The following FADD variants were observed in gnomAD, a reference collection of about 807,000 sequenced individuals.
FADD encodes Fas associated via death domain, also known as FAS-associated death domain protein.
FADD carries 3 observed loss-of-function variants against 5.8 expected under a neutral mutation model. The observed-to-expected ratio is 0.52, with a 90% CI of 0.24 to 1.34. The LOEUF (loss-of-function observed/expected upper bound fraction) is 1.34. Among genes scored for constraint, FADD ranks in the 40% most tolerant of loss-of-function variants. The pLI is 0.17. For missense variants in FADD, 249 were observed against 286.7 expected, an observed-to-expected ratio of 0.87 and a Z score of 0.95; for synonymous variants, 138 against 130.8, an observed-to-expected ratio of 1.06 and a Z score of -0.38.
Position 70,204,129 on chromosome 11 carries a change from A to G in FADD, c.286+384A>G, listed in dbSNP as rs576251929. Among the ~76,000 whole-genome samples the G allele has an allele frequency of 1.1e-4, 16 of 152,330 alleles. No homozygotes were observed. The South Asian group carries it at 3.3e-3, about 32-fold the overall frequency. On this transcript the variant is annotated intron_variant, in intron 1 of 1. Coordinates refer to ENST00000301838, the MANE Select transcript of FADD (RefSeq NM_003824.4). ...TCTGAGAGTAATACTAGCATTCAGT[A>G]ACTCCTACCCAGGGGCTTACAGTGT...
At chr11:70,206,098 A>G in intron 1 of FADD, 35 bp from the exon 2 acceptor site, 1 of 1,587,488 alleles carries the variant, frequency 6.3e-7, no homozygotes, top group Non-Finnish European at 8.6e-7. Flanking sequence ...TTGTCTCCAA[A>G]CCTATGGTAA....
Position 70,203,716 on chromosome 11 carries a change from C to A in FADD, c.257C>A (p.Ala86Glu). The change falls in exon 1 of 2, where the codon GCG becomes GAG. Residue 86 changes from alanine (A) to glutamate (E), a missense_variant. Ala to Glu is a moderately radical substitution (Grantham distance 107). Transcript: ENST00000301838. ...CGCGTCGACGACTTCGAGGCGGGGGCGGCGGCCGGGGCCGCGCCTGGGGAA... is the reference window on the plus strand; with the variant it reads ...CGCGTCGACGACTTCGAGGCGGGGGAGGCGGCCGGGGCCGCGCCTGGGGAA... ...LRRVDDFEAGAAAGAAPGEED... is the reference protein window; with the variant it reads ...LRRVDDFEAGEAAGAAPGEED... 1 of 1,421,292 alleles carries A rather than the reference C, an allele frequency of 7.0e-7. No homozygotes were observed. The highest frequency in any genetic ancestry group is 9.1e-7 in the Non-Finnish European group (1 of 1,093,972). The allele number at this position is 1,421,292 out of a possible 1,614,324, so 88.0% of individuals were successfully genotyped here.
Position 70,206,406 on chromosome 11 carries a change from A to C in FADD, c.560A>C (p.Gln187Pro). ...VQEVQQARDL[Q>P]NRSGAMSPMS... ...GAGGTTCAGCAGGCCCGTGACCTCC[A>C]GAACAGGAGTGGGGCCATGTCCCCG... Residue 187 changes from glutamine to proline, a missense_variant, in exon 2 of 2, where the codon CAG (glutamine) becomes CCG (proline). Gln to Pro is a moderately conservative substitution (Grantham distance 76). Coordinates refer to ENST00000301838, the MANE Select transcript of FADD (RefSeq NM_003824.4). The C allele has an allele frequency of 6.2e-7, 1 of 1,614,152 alleles. No individual in the cohort carries two copies. Among genetic ancestry groups the C allele is most frequent in the Non-Finnish European group, 8.5e-7 (1 of 1,180,032 alleles).
At chr11:70,205,185 T>C (rs1245208844) in intron 1 of FADD, among the ~76,000 whole-genome samples, 3 of 152,170 alleles carry the variant, frequency 2.0e-5, no homozygotes, top group Non-Finnish European at 4.4e-5. Flanking sequence ...GAATTGCCAG[T>C]AGTCCAAGCA....
Position 70,203,327 on chromosome 11 carries a change from A to C in FADD, c.-133A>C, listed in dbSNP as rs1429024402. The C allele has an allele frequency of 4.8e-6, 7 of 1,468,066 alleles. No homozygotes were observed. The highest frequency in any genetic ancestry group is 5.4e-6 in the Non-Finnish European group (6 of 1,106,906). The allele number at this position is 1,468,066 out of a possible 1,614,324, so 90.9% of individuals were successfully genotyped here. On this transcript the variant is annotated 5_prime_UTR_variant, in exon 1 of 2. Transcript: ENST00000301838. ...GTCGATTTCCTGTAGTGAATCAGGC[A>C]CCGGAGTGCAGGTTCGGGGGTGGAA...
chr11:70,203,511 A>G lies in FADD; in HGVS notation c.52A>G (p.Ser18Gly), dbSNP rs1408886315. The change falls in exon 1 of 2, where the codon AGC becomes GGC. Residue 18 changes from serine to glycine, a missense_variant. Ser to Gly is a moderately conservative substitution (Grantham distance 56). Coordinates refer to ENST00000301838, the MANE Select transcript of FADD (RefSeq NM_003824.4). ...CTCGGTGTCGTCCAGCCTGTCGAGCAGCGAGCTGACCGAGCTCAAGTTCCT... is the reference window on the plus strand; with the variant it reads ...CTCGGTGTCGTCCAGCCTGTCGAGCGGCGAGCTGACCGAGCTCAAGTTCCT... ...LHSVSSSLSS[S>G]ELTELKFLCL... The G allele has an allele frequency of 1.9e-6, 3 of 1,608,900 alleles. No homozygotes were observed. Among genetic ancestry groups the G allele is most frequent in the Non-Finnish European group, 2.5e-6 (3 of 1,178,152 alleles).
rs754285082 is a variant in FADD, at chr11:70,203,324, G to A, written c.-136G>A. ...CTTGTCGATTTCCTGTAGTGAATCA[G>A]GCACCGGAGTGCAGGTTCGGGGGTG... On this transcript the variant is annotated 5_prime_UTR_variant, in exon 1 of 2. Coordinates refer to ENST00000301838, the MANE Select transcript of FADD (RefSeq NM_003824.4). 18 of 1,456,432 alleles carry A rather than the reference G, an allele frequency of 1.2e-5. No homozygotes were observed. The highest frequency in any genetic ancestry group is 2.9e-5 in the African/African-American group (2 of 69,194). 90.2% of individuals were successfully genotyped at this position (1,456,432 alleles called of 1,614,324 possible). A position where few individuals can be genotyped will look rare whatever the true frequency, so the allele number is the denominator to read the frequency against.
In FADD at chr11:70,206,677, A is replaced by G. The variant is rs2049464167; in HGVS notation, c.*204A>G. 8.4e-6 allele frequency: 5 copies of G among 593,164 alleles called. No homozygotes were observed. Among genetic ancestry groups the G allele is most frequent in the African/African-American group, 3.7e-5 (2 of 53,848 alleles). The allele number at this position is 593,164 out of a possible 1,614,324, so 36.7% of individuals were successfully genotyped here. On this transcript the variant is annotated 3_prime_UTR_variant, in exon 2 of 2. Transcript: ENST00000301838. ...GCTTGGGCCCTGCACAGATATTTCCATTTCTTCCTCACTATGACACTGAGC... is the reference window on the plus strand; with the variant it reads ...GCTTGGGCCCTGCACAGATATTTCCGTTTCTTCCTCACTATGACACTGAGC...
In FADD at chr11:70,206,167, T is replaced by A; in HGVS notation, c.321T>A (p.Asn107Lys). Residue 107 changes from asparagine (N) to lysine (K), a missense_variant, in exon 2 of 2, where the codon AAT (asparagine) becomes AAA (lysine). Coordinates refer to ENST00000301838, the MANE Select transcript of FADD (RefSeq NM_003824.4). The stretch of plus-strand genomic sequence containing the variant: ...CAGCATTTAACGTCATATGTGATAA[T>A]GTGGGGAAAGATTGGAGAAGGCTGG... ...LCAAFNVICDNVGKDWRRLAR... is the reference protein window; with the variant it reads ...LCAAFNVICDKVGKDWRRLAR... 6.2e-7 allele frequency: 1 copy of A among 1,614,060 alleles called. No homozygotes were observed. Among genetic ancestry groups the A allele is most frequent in the Non-Finnish European group, 8.5e-7 (1 of 1,180,004 alleles).
rs1184018545 is a variant in FADD at position 70,203,757 on chromosome 11, G to C, written c.286+12G>C. The C allele has an allele frequency of 1.3e-5, 17 of 1,282,478 alleles. No individual in the cohort carries two copies. The highest frequency in any genetic ancestry group is 1.7e-5 in the Non-Finnish European group (17 of 999,044). The allele number at this position is 1,282,478 out of a possible 1,614,324, so 79.4% of individuals were successfully genotyped here. On this transcript the variant is annotated intron_variant, in intron 1 of 1. Transcript: ENST00000301838. Reference sequence around the variant, plus strand: ...GCCTGGGGAAGAAGGTGGGCGCGGGGCCGGGCCGGGGGAGCCAGGGCCTGG... The same window carrying C: ...GCCTGGGGAAGAAGGTGGGCGCGGGCCCGGGCCGGGGGAGCCAGGGCCTGG...
intron 1 of FADD, among the ~76,000 whole-genome samples, chr11:70,204,915 G>C (rs983792661): frequency 6.6e-6 from 1 of 152,160 alleles, no homozygotes; most frequent in African/African-American, 2.4e-5. Context: ...GAAGGTGAGC[G>C]GTGGGTATGG....
chr11:70,203,523 G>A lies in FADD; in HGVS notation c.64G>A (p.Glu22Lys), dbSNP rs1353491537. 4 of 1,610,878 alleles carry A rather than the reference G, an allele frequency of 2.5e-6. No homozygotes were observed. Among genetic ancestry groups the A allele is most frequent in the South Asian group, 1.1e-5 (1 of 90,840 alleles). Residue 22 changes from glutamate (E) to lysine (K), a missense_variant, in exon 1 of 2, where the codon GAG becomes AAG. By Grantham distance (56) the Glu-to-Lys change is moderately conservative. Coordinates refer to ENST00000301838, the MANE Select transcript of FADD (RefSeq NM_003824.4). ...SSSLSSSELTELKFLCLGRVG... is the reference protein window; with the variant it reads ...SSSLSSSELTKLKFLCLGRVG... ...CAGCCTGTCGAGCAGCGAGCTGACC[G>A]AGCTCAAGTTCCTATGCCTCGGGCG...
Position 70,206,898 on chromosome 11 carries a change from A to G in FADD, c.*425A>G. 1 of 245,868 alleles carries G rather than the reference A, an allele frequency of 4.1e-6. No individual in the cohort carries two copies. Among genetic ancestry groups the G allele is most frequent in the Non-Finnish European group, 8.1e-6 (1 of 123,074 alleles). 15.2% of individuals were successfully genotyped at this position (245,868 alleles called of 1,614,324 possible). Reference sequence around the variant, plus strand: ...ATTTGAACCCCCGCCATCCTTCACCAGAGCCCATGCTCAACCACTGTGGCG... The same window carrying G: ...ATTTGAACCCCCGCCATCCTTCACCGGAGCCCATGCTCAACCACTGTGGCG... On this transcript the variant is annotated 3_prime_UTR_variant, in exon 2 of 2. Transcript: ENST00000301838.
chr11:70,203,459 C>A lies in FADD; in HGVS notation c.-1C>A, dbSNP rs538642583. Reference sequence around the variant, plus strand: ...AGCCCCGGCCGCTTGCAGACCCCGCCATGGACCCGTTCCTGGTGCTGCTGC... The same window carrying A: ...AGCCCCGGCCGCTTGCAGACCCCGCAATGGACCCGTTCCTGGTGCTGCTGC... On this transcript the variant is annotated 5_prime_UTR_variant, in exon 1 of 2. Transcript: ENST00000301838. 6 of 1,573,842 alleles carry A rather than the reference C, an allele frequency of 3.8e-6. No homozygotes were observed. Among genetic ancestry groups the A allele is most frequent in the African/African-American group, 2.7e-5 (2 of 73,890 alleles).
rs765079539 is a variant in FADD, at chr11:70,203,594, C to G, written c.135C>G (p.Leu45=). The change falls in exon 1 of 2, where the codon CTC becomes CTG. Residue 45 remains leucine, a synonymous_variant. Coordinates refer to ENST00000301838, the MANE Select transcript of FADD (RefSeq NM_003824.4). The part of the protein sequence containing the change: ...KLERVQSGLD[L]FSMLLEQNDL... ...AGCGCGTGCAGAGCGGCCTAGACCT[C>G]TTCTCCATGCTGCTGGAGCAGAACG... is the stretch of plus-strand genomic sequence containing the variant. 3 of 1,610,798 alleles carry G rather than the reference C, an allele frequency of 1.9e-6. No homozygotes were observed. Among genetic ancestry groups the G allele is most frequent in the Non-Finnish European group, 2.5e-6 (3 of 1,179,110 alleles).
Position 70,206,207 on chromosome 11 carries a change from G to A in FADD, c.361G>A (p.Val121Ile). ...GAGAAGGCTGGCTCGTCAGCTCAAAGTCTCAGACACCAAGATCGACAGCAT... is the reference window on the plus strand; with the variant it reads ...GAGAAGGCTGGCTCGTCAGCTCAAAATCTCAGACACCAAGATCGACAGCAT... ...DWRRLARQLK[V>I]SDTKIDSIED... Residue 121 changes from valine (V) to isoleucine (I), a missense_variant, in exon 2 of 2, where the codon GTC becomes ATC. Transcript: ENST00000301838. 1 of 1,614,168 alleles carries A rather than the reference G, an allele frequency of 6.2e-7. No homozygotes were observed. The highest frequency in any genetic ancestry group is 1.1e-5 in the South Asian group (1 of 91,080).
Position 70,206,652 on chromosome 11 carries a change from G to A in FADD, c.*179G>A, listed in dbSNP as rs2135900268. ...TAATGCCTCTCCCGCACCAGGCCGG[G>A]CTTGGGCCCTGCACAGATATTTCCA... On this transcript the variant is annotated 3_prime_UTR_variant, in exon 2 of 2. Transcript: ENST00000301838. 1 of 635,734 alleles carries A rather than the reference G, an allele frequency of 1.6e-6. No individual in the cohort carries two copies. Among genetic ancestry groups the A allele is most frequent in the Non-Finnish European group, 2.8e-6 (1 of 357,402 alleles). 39.4% of individuals were successfully genotyped at this position (635,734 alleles called of 1,614,324 possible).
chr11:70,203,373 C>A lies in FADD; in HGVS notation c.-87C>A. On this transcript the variant is annotated 5_prime_UTR_variant, in exon 1 of 2. Coordinates refer to ENST00000301838, the MANE Select transcript of FADD (RefSeq NM_003824.4). ...TGGAATCCTTGGGCCGCTGGGCAAG[C>A]GGCGAGACCTGGCCAGGGCCAGCGA... 2.0e-6 allele frequency: 3 copies of A among 1,531,276 alleles called. No homozygotes were observed. The South Asian group carries it at 3.6e-5, about 19-fold the overall frequency. The allele number at this position is 1,531,276 out of a possible 1,614,324, so 94.9% of individuals were successfully genotyped here. A position where few individuals can be genotyped will look rare whatever the true frequency, so the allele number is the denominator to read the frequency against.
In FADD at chr11:70,203,331, G is replaced by C. The variant is rs546440790; in HGVS notation, c.-129G>C. The C allele has an allele frequency of 8.1e-6, 12 of 1,481,396 alleles. No homozygotes were observed. Among genetic ancestry groups the C allele is most frequent in the African/African-American group, 4.3e-5 (3 of 70,004 alleles). The allele number at this position is 1,481,396 out of a possible 1,614,324, so 91.8% of individuals were successfully genotyped here. A position where few individuals can be genotyped will look rare whatever the true frequency, so the allele number is the denominator to read the frequency against. ...ATTTCCTGTAGTGAATCAGGCACCG[G>C]AGTGCAGGTTCGGGGGTGGAATCCT... On this transcript the variant is annotated 5_prime_UTR_variant, in exon 1 of 2. Transcript: ENST00000301838.
Sources: gnomAD v4.1 joint callset for allele counts (sites outside exome capture counted in the v4.1 genomes callset) on GRCh38, gnomAD v4.1.1 for gene constraint, MANE v1.5 for transcripts, NCBI Gene and HGNC (gene_info 2026-07-23, HGNC 2026-07-21) for gene names.